GAPVD1: variants seen among roughly 807,000 people sequenced by gnomAD.
GAPVD1 encodes GTPase-activating protein and VPS9 domain-containing protein 1.
In GAPVD1, 35 loss-of-function variants were observed where a neutral mutation model predicts 155.5. That is an observed-to-expected ratio of 0.23 (90% confidence interval 0.17 to 0.30). GAPVD1 has a LOEUF of 0.30. GAPVD1 is among the 10% of genes least tolerant of loss of function. The pLI is 1.00. For synonymous variants in GAPVD1, 636 were observed against 619.7 expected (o/e 1.03, Z -0.39); for missense variants, 1,429 against 1,775.7 (o/e 0.80, Z 3.51).
At chr9:125,274,064 C>T (rs1267966007) in intron 2 of GAPVD1, among the ~76,000 whole-genome samples, 1 of 151,982 alleles carries the variant, frequency 6.6e-6, no homozygotes, top group Non-Finnish European at 1.5e-5. Context: ...CTTGGCCAGG[C>T]TGGAGTGCAG....
At chr9:125,269,184 C>T (rs867547) in intron 2 of GAPVD1, 200 bp downstream of exon 2, 74,376 of 151,836 alleles carry the variant, frequency 0.49, 18,399 homozygotes, top group Middle Eastern at 0.58. Context: ...CTGCCTCAGC[C>T]TCCTGAGTAG....
chr9:125,337,575 A>T lies in GAPVD1; in HGVS notation c.2861A>T (p.Asp954Val). The T allele has an allele frequency of 6.2e-7, 1 of 1,613,598 alleles. No individual in the cohort carries two copies. Among genetic ancestry groups the T allele is most frequent in the Non-Finnish European group, 8.5e-7 (1 of 1,179,798 alleles). Residue 954 changes from aspartate (D) to valine (V), a missense_variant, in exon 17 of 28, where the codon GAC becomes GTC. Asp to Val is a radical substitution (Grantham distance 152). This residue lies in a region of GAPVD1 where 699 missense variants were observed against 826.0 expected (regional missense o/e 0.85). Coordinates refer to ENST00000297933, the MANE Select transcript of GAPVD1 (RefSeq NM_001282680.3). ...TCATCATCTTCATCCCCGAGTAAGG[A>T]CTCCTCAAGAGGAGAGGTATGGGAC... ...PHSSSSSPSKDSSRGETEERK... is the reference protein window; with the variant it reads ...PHSSSSSPSKVSSRGETEERK...
At chr9:125,304,813 A>G (rs969473242) in intron 5 of GAPVD1, among the ~76,000 whole-genome samples, 1 of 152,200 alleles carries the variant, frequency 6.6e-6, no homozygotes, top group African/African-American at 2.4e-5. Context: ...CCTAATGTTG[A>G]TATCTTATGT....
chr9:125,281,037 C>T (rs1009297787), intron 2 of GAPVD1, among the ~76,000 whole-genome samples: 1 of 152,058 alleles, frequency 6.6e-6, no homozygotes, highest in South Asian at 2.1e-4. Context: ...AATTTTGTTT[C>T]ATGAAGTTTC....
At chr9:125,328,207 A>ATTT (rs1845500534) in intron 12 of GAPVD1, among the ~76,000 whole-genome samples, 8 of 118,736 alleles carry the variant, frequency 6.7e-5, no homozygotes, top group African/African-American at 1.4e-4. Context: ...TTTTTTTTTA[A>ATTT]ATTTATTTTT....
At chr9:125,314,314 T>C (rs1037737873) in intron 9 of GAPVD1, among the ~76,000 whole-genome samples, 9 of 152,084 alleles carry the variant, frequency 5.9e-5, no homozygotes. Flanking sequence ...GTTTGAGGCT[T>C]GGGAATCATT....
Position 125,345,330 on chromosome 9 carries a change from G to A in GAPVD1, c.3047-1489G>A, listed in dbSNP as rs1207466216. ...CGAGTAGCTGGGATTATAGGCATGCGCCACCATGTCCAGCTAATTTTTGTA... is the reference window on the plus strand; with the variant it reads ...CGAGTAGCTGGGATTATAGGCATGCACCACCATGTCCAGCTAATTTTTGTA... On this transcript the variant is annotated intron_variant, in intron 19 of 27. Coordinates refer to ENST00000297933, the MANE Select transcript of GAPVD1 (RefSeq NM_001282680.3). Among the ~76,000 whole-genome samples, 9 of 152,106 alleles carry A rather than the reference G, an allele frequency of 5.9e-5. No individual in the cohort carries two copies. The South Asian group carries it at 1.0e-3, about 18-fold the overall frequency.
intron 9 of GAPVD1, 108 bp downstream of exon 9, chr9:125,312,720 C>T: frequency 1.3e-6 from 1 of 755,874 alleles, no homozygotes; most frequent in Non-Finnish European, 2.1e-6. Flanking sequence ...ATATTTATTT[C>T]TCACATTTGT....
chr9:125,363,996 G>A lies in GAPVD1; in HGVS notation c.*1250G>A, dbSNP rs1348564317. 2 of 152,558 alleles carry A rather than the reference G, an allele frequency of 1.3e-5. No individual in the cohort carries two copies. The highest frequency in any genetic ancestry group is 4.8e-5 in the African/African-American group (2 of 41,434). The allele number at this position is 152,558 out of a possible 1,614,324, so 9.5% of individuals were successfully genotyped here. ...AGGCACACCAAAGCTTCAAGCACAA[G>A]TCTTGTACATGGGCCATCACTGTCT... On this transcript the variant is annotated 3_prime_UTR_variant, in exon 28 of 28. Transcript: ENST00000297933.
intron 13 of GAPVD1, among the ~76,000 whole-genome samples, chr9:125,330,862 A>G (rs988064507): frequency 1.3e-5 from 2 of 152,206 alleles, no homozygotes; most frequent in Non-Finnish European, 2.9e-5. Flanking sequence ...GTAGCAACAC[A>G]GTTCAAACTG....
chr9:125,340,647 G>A (rs1324319563), intron 17 of GAPVD1, among the ~76,000 whole-genome samples: 1 of 151,972 alleles, frequency 6.6e-6, no homozygotes, highest in Admixed American at 6.6e-5. Flanking sequence ...GAGTTTATTT[G>A]TACTGCATTT....
At chr9:125,359,351 A>C (rs1462943919) in intron 25 of GAPVD1, 69 bp from the exon 26 acceptor site, 1 of 873,466 alleles carries the variant, frequency 1.1e-6, no homozygotes, top group Non-Finnish European at 1.9e-6. Context: ...TGTAAAAATC[A>C]ATGATGACTG....
intron 15 of GAPVD1, chr9:125,336,805 T>G (rs1847084949): frequency 9.2e-6 from 5 of 541,658 alleles, no homozygotes; most frequent in Non-Finnish European, 1.6e-5. Flanking sequence ...GCCAGACCAC[T>G]TAAATGTAAA....
intron 12 of GAPVD1, among the ~76,000 whole-genome samples, chr9:125,329,093 C>T (rs1038888981): frequency 2.6e-5 from 4 of 152,106 alleles, no homozygotes; most frequent in African/African-American, 4.8e-5. Context: ...GCTTCGGCTC[C>T]GCATGAGAGG....
chr9:125,353,686 A>G (rs1564464030), intron 23 of GAPVD1, among the ~76,000 whole-genome samples: 1 of 152,220 alleles, frequency 6.6e-6, no homozygotes, highest in Non-Finnish European at 1.5e-5. Flanking sequence ...TTCACATGGC[A>G]GCAGACAAGA....
intron 5 of GAPVD1, among the ~76,000 whole-genome samples, 183 bp downstream of exon 5, chr9:125,303,009 C>T (rs79020498): frequency 1.3e-5 from 2 of 152,024 alleles, no homozygotes. Flanking sequence ...AAAATTATTG[C>T]GGTCACAAAA....
intron 2 of GAPVD1, among the ~76,000 whole-genome samples, chr9:125,293,775 A>G (rs1034605081): frequency 1.3e-4 from 16 of 122,646 alleles, no homozygotes; most frequent in Non-Finnish European, 6.6e-5. Context: ...TATATTATAT[A>G]TAATATAAAA....
At chr9:125,290,584 G>A (rs892249185) in intron 2 of GAPVD1, among the ~76,000 whole-genome samples, 54 of 152,324 alleles carry the variant, frequency 3.5e-4, no homozygotes, top group Non-Finnish European at 4.9e-4. Context: ...AGAGGTGTTG[G>A]AAGTTTGAGA....
At chr9:125,304,771 A>G (rs963372609) in intron 5 of GAPVD1, among the ~76,000 whole-genome samples, 3 of 152,236 alleles carry the variant, frequency 2.0e-5, no homozygotes, top group Admixed American at 6.5e-5. Context: ...GAAAAGTACA[A>G]TGTCAGAAAC....
Sources: allele counts gnomAD v4.1 joint callset (sites outside exome capture counted in the v4.1 genomes callset), GRCh38; gene constraint gnomAD v4.1.1; regional missense constraint gnomAD v4.1.1; transcripts MANE v1.5; gene names NCBI Gene and HGNC (gene_info 2026-07-23, HGNC 2026-07-21).